Variants in CD2BP2 observed in about 807,000 individuals in gnomAD.
CD2BP2 encodes the protein CD2 cytoplasmic tail binding protein 2.
In CD2BP2, 27 loss-of-function variants were observed where a neutral mutation model predicts 35.9. The ratio of observed to expected loss-of-function variants is 0.75; its 90% CI spans 0.55 to 1.04. The LOEUF is 1.04. Among genes scored for constraint, CD2BP2 ranks in the 50% least tolerant of loss-of-function variants. The pLI, the probability that CD2BP2 is intolerant of heterozygous loss-of-function variation, is 0.00. For missense variants in CD2BP2, 497 were observed against 444.3 expected (o/e 1.12, Z -1.07); for synonymous variants, 213 against 173.5 (o/e 1.23, Z -1.79).
In CD2BP2 at chr16:30,351,708, C is replaced by T. The variant is rs1430582911; in HGVS notation, c.*1277G>A. 1 of 152,576 alleles carries T rather than the reference C, an allele frequency of 6.6e-6. No homozygotes were observed. The highest frequency in any genetic ancestry group is 1.5e-5 in the Non-Finnish European group (1 of 68,344). 9.5% of individuals were successfully genotyped at this position (152,576 alleles called of 1,614,324 possible). A position where few individuals can be genotyped will look rare whatever the true frequency, so the allele number is the denominator to read the frequency against. ...TAACAGACCCCACTAAAGCCACACACATGCTCAGCTCTCCAACCACGGTGG... is the reference window on the plus strand; with the variant it reads ...TAACAGACCCCACTAAAGCCACACATATGCTCAGCTCTCCAACCACGGTGG... On this transcript the variant is annotated 3_prime_UTR_variant, in exon 7 of 7. Coordinates refer to ENST00000305596, the MANE Select transcript of CD2BP2 (RefSeq NM_006110.3).
In CD2BP2 at chr16:30,351,649, T is replaced by A. The variant is rs2049482525; in HGVS notation, c.*1336A>T. ...GCCCTTTCTGACCTGGGATCCCAAG[T>A]GTCCTGCAGCTCCAGTGCCCAGACC... is the stretch of plus-strand genomic sequence containing the variant. On this transcript the variant is annotated 3_prime_UTR_variant, in exon 7 of 7. Coordinates refer to ENST00000305596, the MANE Select transcript of CD2BP2 (RefSeq NM_006110.3). 1.3e-5 allele frequency: 2 copies of A among 152,722 alleles called. No homozygotes were observed. Among genetic ancestry groups the A allele is most frequent in the South Asian group, 4.1e-4 (2 of 4,822 alleles). 9.5% of individuals were successfully genotyped at this position (152,722 alleles called of 1,614,324 possible).
In CD2BP2 at chr16:30,354,582, C is replaced by A. The variant is rs375284045; in HGVS notation, c.78+22G>T. On this transcript the variant is annotated intron_variant, in intron 2 of 6. Coordinates refer to ENST00000305596, the MANE Select transcript of CD2BP2 (RefSeq NM_006110.3). ...GCTTCTAGCTCCTCTTTCCCCCACA[C>A]AAAGCAGTCTGGCCCCCTCACCTTC... is the stretch of plus-strand genomic sequence containing the variant. The A allele has an allele frequency of 3.1e-6, 5 of 1,610,336 alleles. No individual in the cohort carries two copies. The African/African-American group carries it at 4.0e-5, about 13-fold the overall frequency.
Position 30,353,210 on chromosome 16 carries a change from A to G in CD2BP2, c.886T>C (p.Tyr296His). 2 of 1,614,152 alleles carry G rather than the reference A, an allele frequency of 1.2e-6. No homozygotes were observed. The highest frequency in any genetic ancestry group is 1.7e-6 in the Non-Finnish European group (2 of 1,179,998). The change falls in exon 6 of 7, where the codon TAT (tyrosine) becomes CAT (histidine). Residue 296 changes from tyrosine to histidine, a missense_variant. Coordinates refer to ENST00000305596, the MANE Select transcript of CD2BP2 (RefSeq NM_006110.3). ...KWENTGDAEL[Y>H]GPFTSAQMQT... ...ATCTGGGCGCTGGTGAAGGGCCCATACAGCTCGGCATCCCCCGTGTTCTCC... is the reference window on the plus strand; with the variant it reads ...ATCTGGGCGCTGGTGAAGGGCCCATGCAGCTCGGCATCCCCCGTGTTCTCC...
Position 30,353,903 on chromosome 16 carries a change from A to C in CD2BP2, c.373T>G (p.Trp125Gly). Residue 125 changes from tryptophan (W) to glycine (G), a missense_variant and splice_region_variant, in exon 4 of 7, where the codon TGG becomes GGG. Trp to Gly is a radical substitution (Grantham distance 184, BLOSUM62 -2). Coordinates refer to ENST00000305596, the MANE Select transcript of CD2BP2 (RefSeq NM_006110.3). The part of the protein sequence containing the change: ...IRDSWLDNID[W>G]VKIRERPPGQ... ...CCACGCCAGCCCCTGGGCCGCACCCAGTCAATGTTGTCCAGCCAGCTGTCT... is the reference window on the plus strand; with the variant it reads ...CCACGCCAGCCCCTGGGCCGCACCCCGTCAATGTTGTCCAGCCAGCTGTCT... 1 of 1,613,934 alleles carries C rather than the reference A, an allele frequency of 6.2e-7. No individual in the cohort carries two copies. Among genetic ancestry groups the C allele is most frequent in the African/African-American group, 1.3e-5 (1 of 75,046 alleles).
In CD2BP2 at chr16:30,352,427, T is replaced by C. The variant is rs1227461813; in HGVS notation, c.*558A>G. The C allele has an allele frequency of 6.4e-6, 1 of 155,248 alleles. No individual in the cohort carries two copies. The highest frequency in any genetic ancestry group is 1.4e-5 in the Non-Finnish European group (1 of 69,906). The allele number at this position is 155,248 out of a possible 1,614,324, so 9.6% of individuals were successfully genotyped here. A position where few individuals can be genotyped will look rare whatever the true frequency, so the allele number is the denominator to read the frequency against. ...CTCAGAACCTTAGGGATCTCGGTCTTGGGCCACTCATCCCACTTCTGCCCA... is the reference window on the plus strand; with the variant it reads ...CTCAGAACCTTAGGGATCTCGGTCTCGGGCCACTCATCCCACTTCTGCCCA... On this transcript the variant is annotated 3_prime_UTR_variant, in exon 7 of 7. Transcript: ENST00000305596.
chr16:30,353,660 A>C lies in CD2BP2; in HGVS notation c.516T>G (p.Ala172=), dbSNP rs1180200406. Residue 172 remains alanine, a synonymous_variant, in exon 5 of 7, where the codon GCT becomes GCG. Coordinates refer to ENST00000305596, the MANE Select transcript of CD2BP2 (RefSeq NM_006110.3). The part of the protein sequence containing the change: ...LELLLPRETV[A]GALRRLGARG... ...GGGCCCCCAGACGCCTCAGTGCCCC[A>C]GCCACTGTCTCTCTAGGCAATAGGA... The C allele has an allele frequency of 3.7e-6, 6 of 1,613,804 alleles. No homozygotes were observed. The highest frequency in any genetic ancestry group is 4.2e-6 in the Non-Finnish European group (5 of 1,179,914).
At chr16:30,354,440 T>C (rs2049516385) in intron 2 of CD2BP2, 118 bp from the exon 3 acceptor site, 1 of 1,403,408 alleles carries the variant, frequency 7.1e-7, no homozygotes, top group Admixed American at 2.1e-5. Flanking sequence ...CTTCCCCAAA[T>C]ATTTCAGGAG....
chr16:30,354,210 T>G lies in CD2BP2; in HGVS notation c.191A>C (p.Asp64Ala), dbSNP rs150341856. ...DDDDGGSSKY[D>A]ILASEDVEGQ... ...TTCTACATCCTCTGAGGCCAAGATG[T>G]CATATTTGCTGGACCCCCCATCATC... Residue 64 changes from aspartate to alanine, a missense_variant, in exon 3 of 7, where the codon GAC becomes GCC. Transcript: ENST00000305596. 6.2e-7 allele frequency: 1 copy of G among 1,613,970 alleles called. No individual in the cohort carries two copies. The highest frequency in any genetic ancestry group is 1.3e-5 in the African/African-American group (1 of 74,888).
In CD2BP2 at chr16:30,352,966, A is replaced by G. The variant is rs749553376; in HGVS notation, c.*19T>C. The G allele has an allele frequency of 6.5e-7, 1 of 1,529,348 alleles. No individual in the cohort carries two copies. The highest frequency in any genetic ancestry group is 1.7e-5 in the Admixed American group (1 of 59,910). The allele number at this position is 1,529,348 out of a possible 1,614,324, so 94.7% of individuals were successfully genotyped here. A position where few individuals can be genotyped will look rare whatever the true frequency, so the allele number is the denominator to read the frequency against. On this transcript the variant is annotated 3_prime_UTR_variant, in exon 7 of 7. Coordinates refer to ENST00000305596, the MANE Select transcript of CD2BP2 (RefSeq NM_006110.3). The stretch of plus-strand genomic sequence containing the variant: ...AAGTCCAGGAAAGAAGGGCCCACCA[A>G]ACTGGGCCCCCAGCAGGCTCAGGTG...
Position 30,354,654 on chromosome 16 carries a change from C to T in CD2BP2, c.28G>A (p.Gly10Ser), listed in dbSNP as rs772307131. 1.2e-6 allele frequency: 2 copies of T among 1,614,042 alleles called. No individual in the cohort carries two copies. The highest frequency in any genetic ancestry group is 3.3e-5 in the Admixed American group (2 of 60,002). The change falls in exon 2 of 7, where the codon GGC becomes AGC. Residue 10 changes from glycine (G) to serine (S), a missense_variant. Coordinates refer to ENST00000305596, the MANE Select transcript of CD2BP2 (RefSeq NM_006110.3). The part of the protein sequence containing the change: MPKRKVTFQ[G>S]VGDEEDEDEI... ...TCCTCATCCTCCTCATCTCCCACGC[C>T]TTGGAAGGTCACTTTCCTCTTTGGC...
intron 6 of CD2BP2, 42 bp from the exon 7 acceptor site, chr16:30,353,137 G>A (rs776486969): frequency 6.2e-7 from 1 of 1,605,192 alleles, no homozygotes; most frequent in Non-Finnish European, 8.5e-7. Context: ...TGACAGGAGT[G>A]GGGGAAGCAG....
In CD2BP2 at chr16:30,353,813, G is replaced by A; in HGVS notation, c.376-13C>T. On this transcript the variant is annotated splice_polypyrimidine_tract_variant and intron_variant, in intron 4 of 6. Transcript: ENST00000305596. ...CCCGGATCTTCACCTGTAATGGGAA[G>A]ATGGAGTGATTTCCCACCAACTGCC... is the stretch of plus-strand genomic sequence containing the variant. 2.5e-6 allele frequency: 4 copies of A among 1,605,482 alleles called. No homozygotes were observed. Among genetic ancestry groups the A allele is most frequent in the Non-Finnish European group, 3.4e-6 (4 of 1,177,098 alleles).
chr16:30,355,023 A>AC, intron 1 of CD2BP2, 189 bp downstream of exon 1: 2 of 298,442 alleles, frequency 6.7e-6, no homozygotes, highest in South Asian at 7.0e-5. Flanking sequence ...CCACGGGCTG[A>AC]CCCCCGCTCT....
At chr16:30,354,467 C>A in intron 2 of CD2BP2, 137 bp downstream of exon 2, 1 of 1,356,096 alleles carries the variant, frequency 7.4e-7, no homozygotes, top group South Asian at 1.3e-5. Context: ...TAAAGACGCT[C>A]CCAACCCATT....
At chr16:30,353,309 T>C in intron 5 of CD2BP2, 22 bp from the exon 6 acceptor site, 1 of 1,613,512 alleles carries the variant, frequency 6.2e-7, no homozygotes, top group Non-Finnish European at 8.5e-7. Context: ...GGCAAAGCCA[T>C]TTGGCCTCCA....
chr16:30,354,458 A>G (rs2049516589), intron 2 of CD2BP2, 136 bp from the exon 3 acceptor site: 2 of 1,363,936 alleles, frequency 1.5e-6, no homozygotes, highest in Non-Finnish European at 2.0e-6. Flanking sequence ...GAGCCACACT[A>G]AAGACGCTCC....
Position 30,352,103 on chromosome 16 carries a change from C to T in CD2BP2, c.*882G>A, listed in dbSNP as rs1017245739. The T allele has an allele frequency of 4.6e-5, 7 of 152,514 alleles. No individual in the cohort carries two copies. The highest frequency in any genetic ancestry group is 1.7e-4 in the African/African-American group (7 of 41,474). The allele number at this position is 152,514 out of a possible 1,614,324, so 9.4% of individuals were successfully genotyped here. On this transcript the variant is annotated 3_prime_UTR_variant, in exon 7 of 7. Coordinates refer to ENST00000305596, the MANE Select transcript of CD2BP2 (RefSeq NM_006110.3). ...CCTGGAAGGGGACCAACCCAGCTAC[C>T]TCAGTTTCCTCAAGGCACTAGCCCT...
At chr16:30,354,884 T>C in intron 1 of CD2BP2, 177 bp from the exon 2 acceptor site, 1 of 592,830 alleles carries the variant, frequency 1.7e-6, no homozygotes, top group Non-Finnish European at 3.0e-6. Context: ...GGGTCTAGCA[T>C]CCGCGAGTTA....
chr16:30,354,136 G>C (rs374004776), intron 3 of CD2BP2, 48 bp downstream of exon 3: 4 of 1,613,234 alleles, frequency 2.5e-6, no homozygotes, highest in Non-Finnish European at 2.5e-6. Flanking sequence ...CACCACCAGA[G>C]GCCCCTACTT....
Sources: allele counts gnomAD v4.1 joint callset, GRCh38; gene constraint gnomAD v4.1.1; transcripts MANE v1.5; gene names NCBI Gene and HGNC (gene_info 2026-07-23, HGNC 2026-07-21).